The following WWP1 variants were observed in gnomAD, a reference collection of about 807,000 sequenced individuals.
The protein encoded by WWP1 is WW domain containing E3 ubiquitin protein ligase 1.
Under a neutral mutation model 130.6 loss-of-function variants are expected in WWP1, and 49 were observed. The observed-to-expected ratio is 0.38, with a 90% CI of 0.30 to 0.48. The LOEUF is 0.48. WWP1 is among the 20% of genes least tolerant of loss of function. The probability of loss-of-function intolerance (pLI) is 0.99; values close to 1 mark genes in which losing one functional copy is unlikely to be tolerated. For synonymous variants in WWP1, 332 were observed against 367.8 expected (o/e 0.90, Z 1.11); for missense variants, 809 against 1,100.6 (o/e 0.74, Z 3.75).
At chr8:86,386,902 G>A (rs1825317330) in intron 5 of WWP1, 1 of 152,206 alleles carries the variant, frequency 6.6e-6, no homozygotes, top group Non-Finnish European at 1.5e-5. Flanking sequence ...TCCAGTTCCT[G>A]TTTCCAAGAT....
chr8:86,424,463 G>A (rs1412948571), intron 9 of WWP1, among the ~76,000 whole-genome samples: 1 of 152,048 alleles, frequency 6.6e-6, no homozygotes, highest in African/African-American at 2.4e-5. Context: ...CGGCTGGGAG[G>A]TGGAGGTTGT....
chr8:86,426,463 G>T (rs1809630908), intron 10 of WWP1, among the ~76,000 whole-genome samples: 1 of 152,056 alleles, frequency 6.6e-6, no homozygotes, highest in African/African-American at 2.4e-5. Context: ...TGTAGAACAG[G>T]TGGGAGTTGG....
At chr8:86,366,699 C>G (rs949832072) in intron 1 of WWP1, among the ~76,000 whole-genome samples, 3 of 152,104 alleles carry the variant, frequency 2.0e-5, no homozygotes, top group Admixed American at 2.0e-4. Flanking sequence ...CAGTTAGAGC[C>G]ATTACACTGT....
At chr8:86,429,625 T>C (rs914470844) in intron 11 of WWP1, among the ~76,000 whole-genome samples, 4 of 152,228 alleles carry the variant, frequency 2.6e-5, no homozygotes, top group Admixed American at 2.6e-4. Context: ...TAAAAGTTTA[T>C]TTCTATAAAT....
rs555975632 is a variant in WWP1 at position 86,449,196 on chromosome 8, T to A, written c.2273+683T>A. Reference sequence around the variant, plus strand: ...CCTATTTCCTAAATGTAGGCATTTTTCCAAGATTTTATTTCAACCTGCTTC... The same window carrying A: ...CCTATTTCCTAAATGTAGGCATTTTACCAAGATTTTATTTCAACCTGCTTC... On this transcript the variant is annotated intron_variant, in intron 20 of 24. Coordinates refer to ENST00000517970, the MANE Select transcript of WWP1 (RefSeq NM_007013.4). 1.4e-4 allele frequency among the ~76,000 whole-genome samples: 21 copies of A among 152,336 alleles called. No homozygotes were observed. In the South Asian group the frequency reaches 3.7e-3, roughly 27 times the overall value.
At chr8:86,409,226 CTTTTTTTTTTTTTT>C (rs1230976832) in intron 8 of WWP1, among the ~76,000 whole-genome samples, 1 of 100,522 alleles carries the variant, frequency 9.9e-6, no homozygotes, top group Admixed American at 1.1e-4. Flanking sequence ...CTTTTTCTTT[CTTTTTTTTTTTTTT>C]TTTTTTTTCT....
At chr8:86,374,734 G>C (rs1291627599) in intron 3 of WWP1, among the ~76,000 whole-genome samples, 2 of 151,264 alleles carry the variant, frequency 1.3e-5, no homozygotes, top group South Asian at 4.2e-4. Context: ...TTTTGAGATA[G>C]GGTCTCACTT....
intron 1 of WWP1, among the ~76,000 whole-genome samples, chr8:86,350,413 G>C (rs1822846348): frequency 6.6e-6 from 1 of 152,126 alleles, no homozygotes; most frequent in Non-Finnish European, 1.5e-5. Flanking sequence ...TAGGTTATTA[G>C]TGCATAGCTG....
intron 9 of WWP1, among the ~76,000 whole-genome samples, chr8:86,423,197 A>T (rs576123091): frequency 3.1e-4 from 47 of 151,722 alleles, no homozygotes; most frequent in Admixed American, 6.5e-4. Flanking sequence ...GAAAAAGGGT[A>T]ATTTTTATTT....
chr8:86,344,573 A>G (rs1323788638), intron 1 of WWP1, among the ~76,000 whole-genome samples: 1 of 152,192 alleles, frequency 6.6e-6, no homozygotes, highest in Admixed American at 6.5e-5. Flanking sequence ...GTCTTTTAAT[A>G]TATAAGTTTC....
chr8:86,427,054 C>A (rs962975844), intron 10 of WWP1, among the ~76,000 whole-genome samples: 1 of 151,690 alleles, frequency 6.6e-6, no homozygotes, highest in Non-Finnish European at 1.5e-5. Context: ...TCCCAGCTAC[C>A]CAGGAGGCTG....
At chr8:86,357,853 C>A (rs185781486) in intron 1 of WWP1, among the ~76,000 whole-genome samples, 2 of 152,142 alleles carry the variant, frequency 1.3e-5, no homozygotes, top group African/African-American at 4.8e-5. Flanking sequence ...CTCCATGGAA[C>A]GATAGTTTTC....
chr8:86,445,060 A>T (rs532153077), intron 18 of WWP1, among the ~76,000 whole-genome samples: 5 of 152,236 alleles, frequency 3.3e-5, no homozygotes, highest in Non-Finnish European at 7.4e-5. Context: ...TGAAAGTCAC[A>T]TGATGAGAGA....
intron 16 of WWP1, among the ~76,000 whole-genome samples, chr8:86,438,160 TAAGG>T (rs925739400): frequency 6.6e-6 from 1 of 152,174 alleles, no homozygotes; most frequent in Non-Finnish European, 1.5e-5. Flanking sequence ...TAGAAAATCA[TAAGG>T]AAGATAAAAT....
intron 5 of WWP1, among the ~76,000 whole-genome samples, chr8:86,396,616 CAG>C (rs1267453292): frequency 6.8e-6 from 1 of 146,138 alleles, no homozygotes; most frequent in Non-Finnish European, 1.5e-5. Context: ...TTTTTTCAGA[CAG>C]GGTCTCGCTC....
At chr8:86,385,223 A>G (rs564223578) in intron 5 of WWP1, among the ~76,000 whole-genome samples, 198 of 152,290 alleles carry the variant, frequency 1.3e-3, no homozygotes, top group African/African-American at 4.6e-3. Flanking sequence ...TTTGATAGTC[A>G]GCACCTTGAA....
intron 1 of WWP1, among the ~76,000 whole-genome samples, chr8:86,358,721 C>T (rs1248014238): frequency 1.3e-5 from 2 of 151,912 alleles, no homozygotes; most frequent in East Asian, 1.9e-4. Context: ...GTTGCCTAGG[C>T]TGGTCTCGAA....
chr8:86,464,416 T>A (rs1234151363), intron 24 of WWP1, among the ~76,000 whole-genome samples: 3 of 152,244 alleles, frequency 2.0e-5, no homozygotes, highest in Non-Finnish European at 1.5e-5. Context: ...TATTTTCATA[T>A]CAAAGTGAAT....
intron 1 of WWP1, among the ~76,000 whole-genome samples, chr8:86,348,897 T>C (rs2130088460): frequency 6.6e-6 from 1 of 152,324 alleles, no homozygotes; most frequent in African/African-American, 2.4e-5. Flanking sequence ...TTGGGCTCAG[T>C]TGGGCAGGTT....
Sources: gnomAD v4.1 joint callset for allele counts (sites outside exome capture counted in the v4.1 genomes callset) on GRCh38, gnomAD v4.1.1 for gene constraint, MANE v1.5 for transcripts, NCBI Gene and HGNC (gene_info 2026-07-23, HGNC 2026-07-21) for gene names.